Variants in ACTR3B observed in about 807,000 individuals in gnomAD.
ACTR3B encodes the protein actin related protein 3B, also known as actin-related protein 3B.
Under a neutral mutation model 59.0 loss-of-function variants are expected in ACTR3B, and 8 were observed. The ratio of observed to expected loss-of-function variants is 0.14; its 90% CI spans 0.08 to 0.24. ACTR3B has a LOEUF of 0.24. ACTR3B is among the 10% of genes least tolerant of loss of function. The probability of loss-of-function intolerance (pLI) is 1.00; values close to 1 mark genes in which losing one functional copy is unlikely to be tolerated. For missense variants in ACTR3B, 245 were observed against 552.3 expected (o/e 0.44, Z 5.58); for synonymous variants, 148 against 197.9 (o/e 0.75, Z 2.12).
chr7:152,789,064 A>AAACAACAAC (rs71182043), intron 2 of ACTR3B, among the ~76,000 whole-genome samples: 56 of 137,436 alleles, frequency 4.1e-4, no homozygotes, highest in African/African-American at 1.4e-3. Context: ...CAGCAACAAC[A>AAACAACAAC]AACAACAACA....
At chr7:152,783,837 C>T (rs1426168939) in intron 2 of ACTR3B, among the ~76,000 whole-genome samples, 6 of 151,822 alleles carry the variant, frequency 4.0e-5, no homozygotes, top group Admixed American at 3.9e-4. Flanking sequence ...CGCATGTAAT[C>T]GCAGCACTTT....
chr7:152,765,242 C>G (rs2098105524), intron 1 of ACTR3B, among the ~76,000 whole-genome samples: 1 of 151,314 alleles, frequency 6.6e-6, no homozygotes, highest in Non-Finnish European at 1.5e-5. Context: ...CTCAGCCTCC[C>G]AAGTAGCTGG....
At chr7:152,820,147 G>A in intron 6 of ACTR3B, 152 bp from the exon 7 acceptor site, 18 of 1,413,096 alleles carry the variant, frequency 1.3e-5, no homozygotes, top group Non-Finnish European at 1.6e-5. Flanking sequence ...AAGACCTTCT[G>A]TACTGAGCTT....
intron 2 of ACTR3B, among the ~76,000 whole-genome samples, chr7:152,789,442 A>G (rs1206909793): frequency 6.6e-6 from 1 of 150,718 alleles, no homozygotes; most frequent in African/African-American, 2.5e-5. Context: ...TGCTAGCTTT[A>G]TTTTTAGGTA....
intron 2 of ACTR3B, among the ~76,000 whole-genome samples, chr7:152,790,701 A>G (rs1013258403): frequency 5.3e-5 from 8 of 152,058 alleles, no homozygotes; most frequent in Non-Finnish European, 8.8e-5. Context: ...ATTCTCTGGA[A>G]CAGTTTGCAT....
chr7:152,837,979 G>A (rs1259792921), intron 9 of ACTR3B, among the ~76,000 whole-genome samples: 3 of 152,172 alleles, frequency 2.0e-5, no homozygotes, highest in African/African-American at 4.8e-5. Flanking sequence ...TCATCTGGGC[G>A]AGGGGGGAGG....
intron 6 of ACTR3B, among the ~76,000 whole-genome samples, chr7:152,817,841 A>G (rs1328108204): frequency 2.6e-5 from 4 of 152,244 alleles, no homozygotes; most frequent in Non-Finnish European, 2.9e-5. Context: ...GGGGTGACGT[A>G]CTAATACCAA....
At chr7:152,825,793 G>A (rs1238885883) in intron 9 of ACTR3B, among the ~76,000 whole-genome samples, 1 of 152,114 alleles carries the variant, frequency 6.6e-6, no homozygotes, top group Non-Finnish European at 1.5e-5. Flanking sequence ...TGCCAATGTG[G>A]TGTCATCACA....
intron 2 of ACTR3B, among the ~76,000 whole-genome samples, chr7:152,790,546 A>C (rs1372942981): frequency 6.6e-6 from 1 of 152,084 alleles, no homozygotes; most frequent in Admixed American, 6.6e-5. Context: ...TACATGCTGA[A>C]CTGTAATTGC....
chr7:152,818,328 C>T (rs1795872496), intron 6 of ACTR3B, among the ~76,000 whole-genome samples: 1 of 152,188 alleles, frequency 6.6e-6, no homozygotes, highest in African/African-American at 2.4e-5. Context: ...TTTCCTCCAG[C>T]TGTAAAAATT....
Position 152,843,392 on chromosome 7 carries a change from C to T in ACTR3B, c.952-8734C>T, listed in dbSNP as rs60777080. Among the ~76,000 whole-genome samples, 341 of 152,246 alleles carry T rather than the reference C, an allele frequency of 2.2e-3. 1 individual carries two copies. Among genetic ancestry groups the T allele is most frequent in the African/African-American group, 7.9e-3 (328 of 41,570 alleles). On this transcript the variant is annotated intron_variant, in intron 9 of 11. Transcript: ENST00000256001. ...ATGAGAAAGTAAATAAATGTTCATC[C>T]TCTCACTCCATGGATATCAATTATT...
chr7:152,842,065 T>C (rs1173175067), intron 9 of ACTR3B, among the ~76,000 whole-genome samples: 4 of 152,212 alleles, frequency 2.6e-5, no homozygotes, highest in Admixed American at 2.0e-4. Flanking sequence ...CTGCTTCCTA[T>C]CACTGTAGAT....
chr7:152,836,284 T>C (rs1797450132), intron 9 of ACTR3B, among the ~76,000 whole-genome samples: 1 of 151,998 alleles, frequency 6.6e-6, no homozygotes, highest in African/African-American at 2.4e-5. Flanking sequence ...AAACCTTGAG[T>C]TCAGAATCTG....
chr7:152,772,127 A>G (rs1235335437), intron 1 of ACTR3B, among the ~76,000 whole-genome samples: 1 of 152,136 alleles, frequency 6.6e-6, no homozygotes, highest in Non-Finnish European at 1.5e-5. Context: ...TAAGCAGGAA[A>G]AAAGCCAACA....
At chr7:152,825,172 C>A (rs770243883) in intron 9 of ACTR3B, 50 bp downstream of exon 9, 4 of 1,577,290 alleles carry the variant, frequency 2.5e-6, no homozygotes, top group Non-Finnish European at 3.5e-6. Context: ...CAATTAAAGG[C>A]CCATAATTCT....
chr7:152,816,242 C>CA (rs1282806732), intron 5 of ACTR3B, among the ~76,000 whole-genome samples: 2 of 152,200 alleles, frequency 1.3e-5, no homozygotes, highest in African/African-American at 4.8e-5. Context: ...TCACCACAGT[C>CA]AGCCACGTTT....
chr7:152,776,873 G>A (rs1003288835), intron 1 of ACTR3B, among the ~76,000 whole-genome samples: 2 of 152,090 alleles, frequency 1.3e-5, no homozygotes, highest in African/African-American at 2.4e-5. Flanking sequence ...TTATACATCC[G>A]TTTATGGCAG....
chr7:152,845,762 G>A (rs1332147732), intron 9 of ACTR3B, among the ~76,000 whole-genome samples: 1 of 152,224 alleles, frequency 6.6e-6, no homozygotes, highest in East Asian at 1.9e-4. Context: ...GGGATGATCT[G>A]CCATCGGCCA....
At chr7:152,808,860 A>AT (rs34936096) in intron 4 of ACTR3B, among the ~76,000 whole-genome samples, 4 of 152,142 alleles carry the variant, frequency 2.6e-5, no homozygotes, top group African/African-American at 7.2e-5. Flanking sequence ...GTATTAACTC[A>AT]TTTTTTAATG....
Sources: allele counts gnomAD v4.1 joint callset (sites outside exome capture counted in the v4.1 genomes callset), GRCh38; gene constraint gnomAD v4.1.1; transcripts MANE v1.5; gene names NCBI Gene and HGNC (gene_info 2026-07-23, HGNC 2026-07-21).